CMBL: variants seen among roughly 807,000 people sequenced by gnomAD.
The protein encoded by CMBL is carboxymethylenebutenolidase homolog.
Under a neutral mutation model 28.7 loss-of-function variants are expected in CMBL, and 17 were observed. That is an observed-to-expected ratio of 0.59 (90% confidence interval 0.41 to 0.89). CMBL has a LOEUF of 0.89. CMBL is among the 40% of genes least tolerant of loss of function. The pLI is 0.00. For synonymous variants in CMBL, 106 were observed against 101.6 expected, an observed-to-expected ratio of 1.04 and a Z score of -0.26; for missense variants, 310 against 298.5, an observed-to-expected ratio of 1.04 and a Z score of -0.28.
intron 5 of CMBL, among the ~76,000 whole-genome samples, chr5:10,281,469 C>T (rs1470766216): frequency 6.6e-6 from 1 of 152,228 alleles, no homozygotes; most frequent in East Asian, 1.9e-4. Flanking sequence ...CCTCCCACCT[C>T]AGCCTTCTGA....
chr5:10,290,341 A>AC lies in CMBL; in HGVS notation c.215+206dup, dbSNP rs1746685196. Reference sequence around the variant, plus strand: ...CCAGGTACTCCCAGGAGGACAGGAAACCCAGGAATGGGGTTAGGAGCACCA... The same window carrying AC: ...CCAGGTACTCCCAGGAGGACAGGAAACCCCAGGAATGGGGTTAGGAGCACCA... On this transcript the variant is annotated intron_variant, in intron 2 of 5. Transcript: ENST00000296658. 6.9e-6 allele frequency: 4 copies of AC among 576,346 alleles called. No homozygotes were observed. The South Asian group carries it at 8.3e-5, about 12-fold the overall frequency. 35.7% of individuals were successfully genotyped at this position (576,346 alleles called of 1,614,324 possible). A position where few individuals can be genotyped will look rare whatever the true frequency, so the allele number is the denominator to read the frequency against.
chr5:10,284,693 G>A (rs1446741774), intron 4 of CMBL, among the ~76,000 whole-genome samples: 1 of 152,210 alleles, frequency 6.6e-6, no homozygotes, highest in African/African-American at 2.4e-5. Context: ...CTTGGTAGGT[G>A]AGGTGGATTA....
Position 10,307,848 on chromosome 5 carries a change from G to C in CMBL, c.-243C>G, listed in dbSNP as rs1474776473. 1 of 152,100 alleles carries C rather than the reference G, an allele frequency of 6.6e-6. No homozygotes were observed. The highest frequency in any genetic ancestry group is 1.9e-4 in the East Asian group (1 of 5,160). 9.4% of individuals were successfully genotyped at this position (152,100 alleles called of 1,614,324 possible). On this transcript the variant is annotated 5_prime_UTR_variant, in exon 1 of 6. Coordinates refer to ENST00000296658, the MANE Select transcript of CMBL (RefSeq NM_138809.4). ...TGGGGGAAGAGAAATCTGCAAAGTCGGGGAAGGGAAGGAAGGCCAGGAGGG... is the reference window on the plus strand; with the variant it reads ...TGGGGGAAGAGAAATCTGCAAAGTCCGGGAAGGGAAGGAAGGCCAGGAGGG...
In CMBL at chr5:10,282,282, ACAATG is replaced by A. The variant is rs1561060637; in HGVS notation, c.468_472del (p.Ile157GlnfsTer4). 3.8e-6 allele frequency: 6 copies of A among 1,599,508 alleles called. No individual in the cohort carries two copies. Among genetic ancestry groups the A allele is most frequent in the Non-Finnish European group, 5.1e-6 (6 of 1,166,390 alleles). On this transcript the variant is annotated frameshift_variant and splice_region_variant, in exon 5 of 6. Coordinates refer to ENST00000296658, the MANE Select transcript of CMBL (RefSeq NM_138809.4). LOFTEE classifies it high-confidence loss of function. ...ATTGTAAATGTCTTCAGAATCCTTG[ACAATG>A]CCTGAAAAACAAGCACAGAGGCATG...
At chr5:10,280,659 T>TG in intron 5 of CMBL, 27 bp from the exon 6 acceptor site, 2 of 1,572,474 alleles carry the variant, frequency 1.3e-6, no homozygotes, top group Non-Finnish European at 8.7e-7. Context: ...TTCATGATTT[T>TG]AACCCTTTAG....
rs773078898 is a variant in CMBL at position 10,290,625 on chromosome 5, A to C, written c.138T>G (p.Ile46Met). 6 of 1,614,234 alleles carry C rather than the reference A, an allele frequency of 3.7e-6. No homozygotes were observed. In the Admixed American group the frequency reaches 5.0e-5, roughly 13 times the overall value. Residue 46 changes from isoleucine (I) to methionine (M), a missense_variant, in exon 2 of 6, where the codon ATT becomes ATG. Ile to Met is a conservative substitution (Grantham distance 10). Coordinates refer to ENST00000296658, the MANE Select transcript of CMBL (RefSeq NM_138809.4). ...GCCAGCCAAATATATCTTGAATGACAATCACAGCTTTGCCTGCATCAACGG... is the reference window on the plus strand; with the variant it reads ...GCCAGCCAAATATATCTTGAATGACCATCACAGCTTTGCCTGCATCAACGG... ...KSPVDAGKAV[I>M]VIQDIFGWQL...
intron 1 of CMBL, among the ~76,000 whole-genome samples, chr5:10,299,666 C>A (rs1324678522): frequency 1.3e-5 from 2 of 150,740 alleles, no homozygotes; most frequent in Non-Finnish European, 2.9e-5. Flanking sequence ...ATGGTAAAAC[C>A]CCATCTCTCC....
chr5:10,307,108 T>C (rs1359826426), intron 1 of CMBL: 3 of 152,194 alleles, frequency 2.0e-5, no homozygotes, highest in Non-Finnish European at 2.9e-5. Context: ...GTCCCACTCT[T>C]AGATCCATAG....
At chr5:10,304,611 T>C (rs148824581) in intron 1 of CMBL, among the ~76,000 whole-genome samples, 77 of 152,382 alleles carry the variant, frequency 5.1e-4, no homozygotes, top group African/African-American at 1.8e-3. Flanking sequence ...AAACTCATCA[T>C]TCTTTAGTTG....
In CMBL at chr5:10,289,876, A is replaced by T. The variant is rs1448894545; in HGVS notation, c.215+672T>A. ...TTCTCCTTCTGTGAAAACAAAGGAA[A>T]TCCAGCCGTGCACCATCCTCAGGGC... is the stretch of plus-strand genomic sequence containing the variant. On this transcript the variant is annotated intron_variant, in intron 2 of 5. Coordinates refer to ENST00000296658, the MANE Select transcript of CMBL (RefSeq NM_138809.4). The surrounding 1 kb of genome is among the most constrained non-coding windows in gnomAD (Gnocchi z 4.3). Among the ~76,000 whole-genome samples the T allele has an allele frequency of 6.6e-6, 1 of 152,166 alleles. No homozygotes were observed. Among genetic ancestry groups the T allele is most frequent in the Non-Finnish European group, 1.5e-5 (1 of 68,038 alleles).
intron 4 of CMBL, among the ~76,000 whole-genome samples, chr5:10,284,804 A>G (rs1746567192): frequency 6.6e-6 from 1 of 152,066 alleles, no homozygotes; most frequent in Non-Finnish European, 1.5e-5. Context: ...TAAAGGCTAT[A>G]TTTCCTATGT....
chr5:10,291,478 C>A (rs1051907006), intron 1 of CMBL, among the ~76,000 whole-genome samples: 2 of 151,886 alleles, frequency 1.3e-5, no homozygotes, highest in African/African-American at 4.8e-5. Flanking sequence ...CTGGCTAACA[C>A]GGTGAAACCC....
Position 10,291,666 on chromosome 5 carries a change from CA to C in CMBL, c.-19-886del, listed in dbSNP as rs34862174. 6.0e-4 allele frequency among the ~76,000 whole-genome samples: 84 copies of C among 139,280 alleles called. 1 individual carries two copies. Among genetic ancestry groups the C allele is most frequent in the South Asian group, 9.1e-4 (4 of 4,386 alleles). 91.4% of individuals were successfully genotyped at this position (139,280 alleles called of 152,430 possible). On this transcript the variant is annotated intron_variant, in intron 1 of 5. Transcript: ENST00000296658. ...ACAGAGCGAGACGCCGTCTCAAAAA[CA>C]AAAAAAAAAAGAAAAGAAAAGAAAA...
chr5:10,295,134 A>G (rs1579475361), intron 1 of CMBL, among the ~76,000 whole-genome samples: 1 of 147,740 alleles, frequency 6.8e-6, no homozygotes, highest in South Asian at 2.1e-4. Flanking sequence ...CCCAGGCTGG[A>G]GCGTAGTGGC....
intron 3 of CMBL, 130 bp downstream of exon 3, chr5:10,288,292 G>A: frequency 1.4e-6 from 1 of 702,086 alleles, no homozygotes; most frequent in African/African-American, 1.8e-5. Context: ...TTTGTGCCAG[G>A]GGAAGGATTC....
intron 2 of CMBL, 59 bp from the exon 3 acceptor site, chr5:10,288,588 C>T: frequency 7.6e-7 from 1 of 1,314,756 alleles, no homozygotes. Flanking sequence ...CAGTATTTTG[C>T]TTGCATTTAT....
intron 1 of CMBL, among the ~76,000 whole-genome samples, chr5:10,294,235 C>A (rs58411958): frequency 2.2e-4 from 34 of 152,196 alleles, no homozygotes; most frequent in African/African-American, 7.0e-4. Flanking sequence ...GAGATAGAAG[C>A]CACTGGAGAA....
chr5:10,299,051 C>A (rs1269781928), intron 1 of CMBL, among the ~76,000 whole-genome samples: 1 of 151,974 alleles, frequency 6.6e-6, no homozygotes, highest in Non-Finnish European at 1.5e-5. Flanking sequence ...CTTAAAATTG[C>A]ATTAATAAGA....
At chr5:10,295,505 C>CA (rs1173674094) in intron 1 of CMBL, among the ~76,000 whole-genome samples, 1 of 152,180 alleles carries the variant, frequency 6.6e-6, no homozygotes, top group East Asian at 1.9e-4. Flanking sequence ...AATGTGTCCC[C>CA]AAAAAGTCAG....
Sources: gnomAD v4.1 joint callset for allele counts (sites outside exome capture counted in the v4.1 genomes callset) on GRCh38, gnomAD v4.1.1 for gene constraint, Gnocchi (gnomAD v3.1) non-coding constraint, MANE v1.5 for transcripts, NCBI Gene and HGNC (gene_info 2026-07-23, HGNC 2026-07-21) for gene names.